Variants in CPED1 observed in about 807,000 individuals in gnomAD.
The protein encoded by CPED1 is cadherin-like and PC-esterase domain-containing protein 1.
In CPED1, 114 loss-of-function variants were observed where a neutral mutation model predicts 128.2. The ratio of observed to expected loss-of-function variants is 0.89; its 90% CI spans 0.76 to 1.04. The LOEUF is 1.04. Among genes scored for constraint, CPED1 ranks in the 50% least tolerant of loss-of-function variants. CPED1 has a pLI of 0.00. For missense variants in CPED1, 1,211 were observed against 1,207.1 expected, an observed-to-expected ratio of 1.00 and a Z score of -0.05; for synonymous variants, 462 against 426.7, an observed-to-expected ratio of 1.08 and a Z score of -1.02.
intron 16 of CPED1, among the ~76,000 whole-genome samples, chr7:121,150,375 A>T (rs1313849413): frequency 6.6e-6 from 1 of 152,018 alleles, no homozygotes; most frequent in Non-Finnish European, 1.5e-5. Flanking sequence ...TGCAAAGGAC[A>T]TGATTTCATT....
chr7:121,063,778 TA>T (rs1313850687), intron 4 of CPED1, among the ~76,000 whole-genome samples: 2 of 151,522 alleles, frequency 1.3e-5, no homozygotes, highest in Non-Finnish European at 2.9e-5. Context: ...CAAAGCTGTC[TA>T]AAAACAAGTT....
chr7:121,064,295 A>C lies in CPED1; in HGVS notation c.598A>C (p.Ile200Leu). The C allele has an allele frequency of 6.2e-7, 1 of 1,611,956 alleles. No individual in the cohort carries two copies. The highest frequency in any genetic ancestry group is 8.5e-7 in the Non-Finnish European group (1 of 1,178,086). The stretch of plus-strand genomic sequence containing the variant: ...TTGCAGAAAGGAAGGATTATGTCAA[A>C]TAGTTAGAAGATTCCCAGGTAATCT... Reference protein sequence around the residue: ...PLCRKEGLCQIVRRFPELQLP... With the variant: ...PLCRKEGLCQLVRRFPELQLP... Residue 200 changes from isoleucine (I) to leucine (L), a missense_variant, in exon 5 of 23, where the codon ATA becomes CTA. Ile to Leu is a conservative substitution (Grantham distance 5). Coordinates refer to ENST00000310396, the MANE Select transcript of CPED1 (RefSeq NM_024913.5).
chr7:121,157,446 A>G (rs1181027037), intron 16 of CPED1, among the ~76,000 whole-genome samples: 2 of 152,236 alleles, frequency 1.3e-5, no homozygotes, highest in African/African-American at 4.8e-5. Context: ...CCAGTAGAGG[A>G]GGGTGTGAGC....
chr7:121,254,920 A>C (rs1196858952), intron 18 of CPED1, among the ~76,000 whole-genome samples: 1 of 151,150 alleles, frequency 6.6e-6, no homozygotes, highest in Non-Finnish European at 1.5e-5. Context: ...AAAAAAAAAA[A>C]CATACCAATC....
intron 3 of CPED1, among the ~76,000 whole-genome samples, chr7:121,041,485 A>G (rs764417128): frequency 2.0e-5 from 3 of 152,152 alleles, no homozygotes; most frequent in Admixed American, 6.5e-5. Flanking sequence ...CGTGTGCCAG[A>G]AAATTAAAGT....
At chr7:121,096,027 C>T (rs539435647) in intron 5 of CPED1, among the ~76,000 whole-genome samples, 14 of 152,168 alleles carry the variant, frequency 9.2e-5, no homozygotes, top group South Asian at 2.1e-4. Flanking sequence ...ATTAAGAACA[C>T]GTATTTTATT....
chr7:121,199,354 A>G (rs1917115), intron 16 of CPED1, among the ~76,000 whole-genome samples: 149,659 of 152,120 alleles, frequency 0.98, 73,663 homozygotes, highest in Middle Eastern at 1. Flanking sequence ...TATTTTCATG[A>G]GGTATATGGT....
chr7:121,056,309 C>T (rs1157765704), intron 4 of CPED1, among the ~76,000 whole-genome samples: 3 of 152,050 alleles, frequency 2.0e-5, no homozygotes, highest in Non-Finnish European at 4.4e-5. Flanking sequence ...AGGAAAAATA[C>T]TGTTTTAGGG....
chr7:121,112,249 T>G (rs1217339635), intron 7 of CPED1, among the ~76,000 whole-genome samples: 1 of 152,158 alleles, frequency 6.6e-6, no homozygotes, highest in Non-Finnish European at 1.5e-5. Flanking sequence ...CAGTGAATAT[T>G]ATCTTGTTTG....
intron 22 of CPED1, among the ~76,000 whole-genome samples, chr7:121,280,574 G>A (rs530155400): frequency 6.6e-6 from 1 of 152,282 alleles, no homozygotes; most frequent in South Asian, 2.1e-4. Context: ...CCTAAAGAAA[G>A]TTTTAGTCTT....
intron 16 of CPED1, among the ~76,000 whole-genome samples, chr7:121,209,138 CCAT>C (rs1442460681): frequency 1.3e-5 from 2 of 151,968 alleles, no homozygotes; most frequent in African/African-American, 2.4e-5. Context: ...ACAATTGCTT[CCAT>C]ATAGCTCTGT....
At chr7:120,999,027 G>A (rs1371915945) in intron 2 of CPED1, among the ~76,000 whole-genome samples, 2 of 152,082 alleles carry the variant, frequency 1.3e-5, no homozygotes, top group Non-Finnish European at 2.9e-5. Flanking sequence ...TACATCCCCA[G>A]TGTAAAAACA....
At chr7:121,039,226 C>A (rs1792981296) in intron 3 of CPED1, among the ~76,000 whole-genome samples, 1 of 152,034 alleles carries the variant, frequency 6.6e-6, no homozygotes, top group South Asian at 2.1e-4. Flanking sequence ...TATTTATTTT[C>A]TACTTTAGCT....
At chr7:121,043,160 CGA>C (rs1478254187) in intron 3 of CPED1, among the ~76,000 whole-genome samples, 5 of 151,910 alleles carry the variant, frequency 3.3e-5, no homozygotes, top group Non-Finnish European at 5.9e-5. Flanking sequence ...AAAAGTGTAA[CGA>C]GAGAGTGTGA....
At chr7:121,199,728 T>C (rs1223707399) in intron 16 of CPED1, among the ~76,000 whole-genome samples, 1 of 86,282 alleles carries the variant, frequency 1.2e-5, no homozygotes, top group South Asian at 3.9e-4. Context: ...AAAAGAAAAA[T>C]ACAAATATAG....
intron 2 of CPED1, among the ~76,000 whole-genome samples, chr7:120,990,752 T>C (rs1329629101): frequency 6.6e-6 from 1 of 152,258 alleles, no homozygotes; most frequent in Non-Finnish European, 1.5e-5. Flanking sequence ...TAGCATCTTA[T>C]ATCTACAGTA....
chr7:121,237,042 G>A (rs2116667304), intron 17 of CPED1, among the ~76,000 whole-genome samples: 1 of 151,860 alleles, frequency 6.6e-6, no homozygotes, highest in African/African-American at 2.4e-5. Context: ...TTTTTGCCCA[G>A]TTAATCCATA....
chr7:121,261,939 G>T, intron 18 of CPED1: 1 of 470,440 alleles, frequency 2.1e-6, no homozygotes, highest in Non-Finnish European at 3.8e-6. Flanking sequence ...TTGGATGTTT[G>T]TTTCCTCCAA....
chr7:121,265,005 A>G (rs1310837048), intron 18 of CPED1, among the ~76,000 whole-genome samples: 1 of 152,088 alleles, frequency 6.6e-6, no homozygotes, highest in Non-Finnish European at 1.5e-5. Context: ...GTCAAAATGT[A>G]ATAAAATCAA....
Sources: gnomAD v4.1 joint callset for allele counts (sites outside exome capture counted in the v4.1 genomes callset) on GRCh38, gnomAD v4.1.1 for gene constraint, MANE v1.5 for transcripts, NCBI Gene and HGNC (gene_info 2026-07-23, HGNC 2026-07-21) for gene names.